SNRNP35: variants seen among roughly 807,000 people sequenced by gnomAD.
SNRNP35 encodes the protein U11/U12 small nuclear ribonucleoprotein 35 kDa protein.
Under a neutral mutation model 24.3 loss-of-function variants are expected in SNRNP35, and 16 were observed. That is an observed-to-expected ratio of 0.66 (90% CI 0.45 to 1.00). SNRNP35 has a LOEUF of 1.00. SNRNP35 is among the 50% of genes least tolerant of loss of function. The probability of loss-of-function intolerance (pLI) is 0.00; values close to 1 mark genes in which losing one functional copy is unlikely to be tolerated. For missense variants in SNRNP35, 292 were observed against 327.2 expected (o/e 0.89, Z 0.83); for synonymous variants, 106 against 124.8 (o/e 0.85, Z 1.00).
intron 1 of SNRNP35, among the ~76,000 whole-genome samples, chr12:123,458,529 G>T (rs1880407761): frequency 6.6e-6 from 1 of 151,962 alleles, no homozygotes; most frequent in South Asian, 2.1e-4. Context: ...GGCCCACTGC[G>T]CATGCCCTGG....
At chr12:123,462,809 G>A (rs887962031) in intron 1 of SNRNP35, among the ~76,000 whole-genome samples, 2 of 151,888 alleles carry the variant, frequency 1.3e-5, no homozygotes, top group Admixed American at 1.3e-4. Flanking sequence ...GGTCTTGAGT[G>A]CAGTGTCATT....
chr12:123,470,524 C>A (rs1353226545), downstream of SNRNP35: 2 of 152,020 alleles, frequency 1.3e-5, no homozygotes, highest in African/African-American at 4.9e-5. Context: ...ACCTGTAATC[C>A]CAGCACTTTG....
chr12:123,467,575 A>C (rs766009148), downstream of SNRNP35, among the ~76,000 whole-genome samples: 1 of 152,242 alleles, frequency 6.6e-6, no homozygotes, highest in African/African-American at 2.4e-5. Context: ...TTTTCAAAAA[A>C]GTGACATTTA....
At chr12:123,472,616 C>T (rs990078386) in exon 2 of SNRNP35, 6 of 1,585,872 alleles carry the variant, frequency 3.8e-6, no homozygotes, top group Non-Finnish European at 5.1e-6. Flanking sequence ...GTCCAAAGGA[C>T]TCCTGGATGT....
At chr12:123,470,752 T>A (rs1172203057), downstream of SNRNP35, 1 of 152,132 alleles carries the variant, frequency 6.6e-6, no homozygotes, top group Non-Finnish European at 1.5e-5. Flanking sequence ...CCACTATACT[T>A]TGGCTTGGGC....
In SNRNP35 at chr12:123,465,781, C is replaced by G. The variant is rs776789539; in HGVS notation, c.241C>G (p.Arg81Gly). The G allele has an allele frequency of 6.2e-7, 1 of 1,614,082 alleles. No individual in the cohort carries two copies. Among genetic ancestry groups the G allele is most frequent in the South Asian group, 1.1e-5 (1 of 91,072 alleles). Residue 81 changes from arginine to glycine, a missense_variant, in exon 2 of 2, where the codon CGG becomes GGG. Coordinates refer to ENST00000526639, the MANE Select transcript of SNRNP35 (RefSeq NM_022717.4). This position sits in a 1 kb window ranked among gnomAD's most constrained non-coding sequence, Gnocchi z 4.2. ...FSRYGDIRRL[R>G]LVRDLVTGFS... is the part of the protein sequence containing the mutation. ...CCGCTATGGTGACATCCGGCGGCTT[C>G]GGCTGGTCAGGGACTTGGTCACAGG...
chr12:123,465,784 C>G lies in SNRNP35; in HGVS notation c.244C>G (p.Leu82Val). 2 of 1,614,102 alleles carry G rather than the reference C, an allele frequency of 1.2e-6. No homozygotes were observed. The highest frequency in any genetic ancestry group is 1.7e-6 in the Non-Finnish European group (2 of 1,180,020). Residue 82 changes from leucine to valine, a missense_variant, in exon 2 of 2, where the codon CTG becomes GTG. Transcript: ENST00000526639. The surrounding 1 kb of genome is among the most constrained non-coding windows in gnomAD (Gnocchi z 4.2). ...CTATGGTGACATCCGGCGGCTTCGGCTGGTCAGGGACTTGGTCACAGGTTT... is the reference window on the plus strand; with the variant it reads ...CTATGGTGACATCCGGCGGCTTCGGGTGGTCAGGGACTTGGTCACAGGTTT... ...SRYGDIRRLR[L>V]VRDLVTGFSK...
In SNRNP35 at chr12:123,465,427, C is replaced by G. The variant is rs544281913; in HGVS notation, c.-3-111C>G. On this transcript the variant is annotated intron_variant, in intron 1 of 1. Coordinates refer to ENST00000526639, the MANE Select transcript of SNRNP35 (RefSeq NM_022717.4). The surrounding 1 kb of genome is among the most constrained non-coding windows in gnomAD (Gnocchi z 4.2). ...CCTCTGTGGGTGTTCCCTTCCTTTC[C>G]TGTTTTTAAGAAGAGGTGAATGATA... The G allele has an allele frequency of 7.5e-4, 992 of 1,314,306 alleles. 14 individuals are homozygous for G. In the South Asian group the frequency reaches 0.016, roughly 21 times the overall value. 81.4% of individuals were successfully genotyped at this position (1,314,306 alleles called of 1,614,324 possible). A position where few individuals can be genotyped will look rare whatever the true frequency, so the allele number is the denominator to read the frequency against.
At chr12:123,472,549 G>T in exon 2 of SNRNP35, 1 of 1,551,684 alleles carries the variant, frequency 6.4e-7, no homozygotes, top group Non-Finnish European at 8.7e-7. Context: ...CACAGATGCT[G>T]CAGGGCTTCC....
chr12:123,465,684 T>C lies in SNRNP35; in HGVS notation c.144T>C (p.Asp48=). ...TCCCCAACAAAGGTGTCATAGGAGA[T>C]CCCCTCCTCACCCTGTTTGTGGCCA... The part of the protein sequence containing the change: ...RYVPNKGVIG[D]PLLTLFVARL... The change falls in exon 2 of 2, where the codon GAT becomes GAC. Residue 48 remains aspartate (D), a synonymous_variant. Coordinates refer to ENST00000526639, the MANE Select transcript of SNRNP35 (RefSeq NM_022717.4). This position sits in a 1 kb window ranked among gnomAD's most constrained non-coding sequence, Gnocchi z 4.2. 1.9e-6 allele frequency: 3 copies of C among 1,613,730 alleles called. No homozygotes were observed. The highest frequency in any genetic ancestry group is 2.5e-6 in the Non-Finnish European group (3 of 1,179,920).
chr12:123,471,563 C>G (rs1881191333), downstream of SNRNP35: 1 of 152,186 alleles, frequency 6.6e-6, no homozygotes, highest in Admixed American at 6.6e-5. Flanking sequence ...AGTAGAGCAT[C>G]TGGCTCTCTG....
In SNRNP35 at chr12:123,466,041, C is replaced by T. The variant is rs1163563766; in HGVS notation, c.501C>T (p.Asn167=). 2.5e-6 allele frequency: 4 copies of T among 1,613,978 alleles called. No individual in the cohort carries two copies. Among genetic ancestry groups the T allele is most frequent in the African/African-American group, 1.3e-5 (1 of 74,876 alleles). The change falls in exon 2 of 2, where the codon AAC becomes AAT. Residue 167 remains asparagine, a synonymous_variant. Transcript: ENST00000526639. The part of the protein sequence containing the change: ...GRDRPFRKPI[N]LPVVKNDLYR... Reference sequence around the variant, plus strand: ...ACCGGCCTTTTCGAAAACCTATTAACTTGCCAGTTGTTAAAAACGACCTCT... The same window carrying T: ...ACCGGCCTTTTCGAAAACCTATTAATTTGCCAGTTGTTAAAAACGACCTCT...
rs1880498571 is a variant in SNRNP35, at chr12:123,459,760, C to T, written c.-4+1544C>T. 3.8e-5 allele frequency: 51 copies of T among 1,347,340 alleles called. 2 individuals are homozygous for T. The South Asian group carries it at 6.7e-4, about 18-fold the overall frequency. The allele number at this position is 1,347,340 out of a possible 1,614,324, so 83.5% of individuals were successfully genotyped here. On this transcript the variant is annotated intron_variant, in intron 1 of 1. Coordinates refer to ENST00000526639, the MANE Select transcript of SNRNP35 (RefSeq NM_022717.4). ...CCGAGATTGGCCATTGCACTCCAGC[C>T]TGGGTGACAGAGTGAGACTTTGTCT...
chr12:123,470,649 T>C (rs1881147214), downstream of SNRNP35: 1 of 152,020 alleles, frequency 6.6e-6, no homozygotes, highest in African/African-American at 2.4e-5. Context: ...TCAGGTATGG[T>C]GGCACACACA....
Position 123,465,242 on chromosome 12 carries a change from C to T in SNRNP35, c.-3-296C>T, listed in dbSNP as rs1388218635. Among the ~76,000 whole-genome samples, 1 of 152,170 alleles carries T rather than the reference C, an allele frequency of 6.6e-6. No homozygotes were observed. The highest frequency in any genetic ancestry group is 2.4e-5 in the African/African-American group (1 of 41,440). ...AATGTGTTCATAGTTGGTAAGTGCC[C>T]TTCCGTGGCTGAGCCAGATGCTGCA... On this transcript the variant is annotated intron_variant, in intron 1 of 1. Transcript: ENST00000526639. The surrounding 1 kb of genome is among the most constrained non-coding windows in gnomAD (Gnocchi z 4.2).
chr12:123,458,279 C>T, intron 1 of SNRNP35, 63 bp downstream of exon 1: 1 of 964,416 alleles, frequency 1.0e-6, no homozygotes, highest in South Asian at 4.8e-5. Flanking sequence ...GGGAGTGCGG[C>T]CCAGACGCTG....
At chr12:123,462,981 T>C (rs922041331) in intron 1 of SNRNP35, among the ~76,000 whole-genome samples, 7 of 152,176 alleles carry the variant, frequency 4.6e-5, no homozygotes, top group African/African-American at 1.4e-4. Context: ...AAAAAAGTTA[T>C]AGATATTTTA....
intron 1 of SNRNP35, among the ~76,000 whole-genome samples, chr12:123,463,568 G>A (rs1433975276): frequency 6.6e-6 from 1 of 151,278 alleles, no homozygotes; most frequent in Non-Finnish European, 1.5e-5. Flanking sequence ...AGTAGAGACG[G>A]GGTTTCACCA....
At chr12:123,461,718 T>C (rs1161556375) in intron 1 of SNRNP35, among the ~76,000 whole-genome samples, 1 of 151,542 alleles carries the variant, frequency 6.6e-6, no homozygotes, top group Non-Finnish European at 1.5e-5. Context: ...AAAAAAGTTC[T>C]ATGATTTTTT....
Sources: gnomAD v4.1 joint callset for allele counts (sites outside exome capture counted in the v4.1 genomes callset) on GRCh38, gnomAD v4.1.1 for gene constraint, Gnocchi (gnomAD v3.1) non-coding constraint, MANE v1.5 for transcripts, NCBI Gene and HGNC (gene_info 2026-07-23, HGNC 2026-07-21) for gene names.